Variants in CLMN observed in about 807,000 individuals in gnomAD.
CLMN encodes calmin (calponin-like, transmembrane).
In CLMN, 57 loss-of-function variants were observed where a neutral mutation model predicts 92.7. The ratio of observed to expected loss-of-function variants is 0.61; its 90% CI spans 0.50 to 0.77. The LOEUF (loss-of-function observed/expected upper bound fraction) is 0.77. Among genes scored for constraint, CLMN ranks in the 30% least tolerant of loss-of-function variants. The pLI, the probability that CLMN is intolerant of heterozygous loss-of-function variation, is 0.00. For missense variants in CLMN, 1,158 were observed against 1,237.5 expected, an observed-to-expected ratio of 0.94 and a Z score of 0.96; for synonymous variants, 466 against 470.6, an observed-to-expected ratio of 0.99 and a Z score of 0.13.
intron 1 of CLMN, among the ~76,000 whole-genome samples, chr14:95,317,036 C>T (rs1314005993): frequency 1.3e-5 from 2 of 152,246 alleles, no homozygotes; most frequent in Admixed American, 6.5e-5. Context: ...TGGACTCCTC[C>T]TGCCTCCCAT....
At chr14:95,299,458 C>T (rs568170702) in intron 1 of CLMN, among the ~76,000 whole-genome samples, 1 of 152,320 alleles carries the variant, frequency 6.6e-6, no homozygotes, top group East Asian at 1.9e-4. Context: ...CCACTGTTTG[C>T]TAAGTGCCTA....
intron 1 of CLMN, among the ~76,000 whole-genome samples, chr14:95,290,166 G>A (rs1900507812): frequency 6.6e-6 from 1 of 152,252 alleles, no homozygotes; most frequent in Admixed American, 6.5e-5. Flanking sequence ...AGTGTGCAAA[G>A]CCACTCAGGT....
chr14:95,279,522 G>A (rs185645497), intron 1 of CLMN, among the ~76,000 whole-genome samples: 20 of 152,334 alleles, frequency 1.3e-4, no homozygotes, highest in Non-Finnish European at 2.8e-4. Context: ...GGTGGCTCAC[G>A]CCTGTAATCC....
rs114921548 is a variant in CLMN at position 95,250,166 on chromosome 14, C to T, written c.83-20033G>A. Reference sequence around the variant, plus strand: ...GGGCCCCAGAACTGGGCCAGGCTGTCTCTCTCTGGGCTTATTTGTATATGA... The same window carrying T: ...GGGCCCCAGAACTGGGCCAGGCTGTTTCTCTCTGGGCTTATTTGTATATGA... On this transcript the variant is annotated intron_variant, in intron 1 of 12. Coordinates refer to ENST00000298912, the MANE Select transcript of CLMN (RefSeq NM_024734.4). Among the ~76,000 whole-genome samples, 1,163 of 152,324 alleles carry T rather than the reference C, an allele frequency of 7.6e-3. 22 individuals carry two copies. The highest frequency in any genetic ancestry group is 0.027 in the African/African-American group (1,106 of 41,562).
intron 2 of CLMN, among the ~76,000 whole-genome samples, chr14:95,226,732 C>T (rs971262776): frequency 4.6e-5 from 7 of 152,070 alleles, no homozygotes; most frequent in African/African-American, 1.4e-4. Context: ...CGTGCCATCA[C>T]GTCTGGTTAA....
intron 9 of CLMN, among the ~76,000 whole-genome samples, chr14:95,200,349 C>A (rs886245263): frequency 6.6e-6 from 1 of 152,180 alleles, no homozygotes; most frequent in African/African-American, 2.4e-5. Context: ...ACACCGAAGG[C>A]AGGATTTTCC....
At chr14:95,222,744 G>C (rs1205894864) in intron 3 of CLMN, 1 of 356,558 alleles carries the variant, frequency 2.8e-6, no homozygotes. Flanking sequence ...TGAATACTGC[G>C]TAGCCCTCTG....
At chr14:95,253,613 T>TG (rs201017134) in intron 1 of CLMN, among the ~76,000 whole-genome samples, 11,854 of 143,622 alleles carry the variant, frequency 0.083, 464 homozygotes, top group South Asian at 0.091. Context: ...TTTTTTGTTT[T>TG]TTTGTTTTTT....
chr14:95,276,885 G>A (rs1326982710), intron 1 of CLMN, among the ~76,000 whole-genome samples: 1 of 152,140 alleles, frequency 6.6e-6, no homozygotes, highest in Non-Finnish European at 1.5e-5. Context: ...GCAACCCCTG[G>A]TGTGGCATCT....
chr14:95,315,862 T>C (rs1260993645), intron 1 of CLMN, among the ~76,000 whole-genome samples: 1 of 152,210 alleles, frequency 6.6e-6, no homozygotes, highest in Non-Finnish European at 1.5e-5. Context: ...AGAACCAGCT[T>C]TCATTCTCCA....
chr14:95,194,017 A>G lies in CLMN; in HGVS notation c.2770-98T>C. On this transcript the variant is annotated intron_variant, in intron 11 of 12. Coordinates refer to ENST00000298912, the MANE Select transcript of CLMN (RefSeq NM_024734.4). The surrounding 1 kb of genome is among the most constrained non-coding windows in gnomAD (Gnocchi z 4.0). ...AAACGATTTTAAACACACAAAGCCG[A>G]GCATGCCGGGCATTTCTCAATACCG... is the stretch of plus-strand genomic sequence containing the variant. 6.5e-7 allele frequency: 1 copy of G among 1,542,504 alleles called. No individual in the cohort carries two copies. Among genetic ancestry groups the G allele is most frequent in the Non-Finnish European group, 8.7e-7 (1 of 1,147,108 alleles).
At chr14:95,242,250 CTTTTTTTTTTTTTT>C (rs371417505) in intron 1 of CLMN, among the ~76,000 whole-genome samples, 1,120 of 92,614 alleles carry the variant, frequency 0.012, 33 homozygotes, top group African/African-American at 0.037. Context: ...TTTTCTTTTT[CTTTTTTTTTTTTTT>C]TTTTTTTTTT....
intron 1 of CLMN, among the ~76,000 whole-genome samples, chr14:95,242,935 A>G (rs1318706191): frequency 6.6e-6 from 1 of 152,238 alleles, no homozygotes; most frequent in Admixed American, 6.5e-5. Flanking sequence ...CCACTGCCCT[A>G]AGCTAGAGGT....
chr14:95,256,235 A>G lies in CLMN; in HGVS notation c.83-26102T>C, dbSNP rs1448137946. On this transcript the variant is annotated intron_variant, in intron 1 of 12. Coordinates refer to ENST00000298912, the MANE Select transcript of CLMN (RefSeq NM_024734.4). The surrounding 1 kb of genome is among the most constrained non-coding windows in gnomAD (Gnocchi z 4.9). ...CGAGGCCCGCCACCCACTCCTCGGC[A>G]CCCAGTTGGGAAGGACTTCACAGCA... Among the ~76,000 whole-genome samples, 1 of 152,154 alleles carries G rather than the reference A, an allele frequency of 6.6e-6. No homozygotes were observed. The highest frequency in any genetic ancestry group is 1.9e-4 in the East Asian group (1 of 5,194).
At chr14:95,267,841 C>T (rs1337791439) in intron 1 of CLMN, among the ~76,000 whole-genome samples, 1 of 152,082 alleles carries the variant, frequency 6.6e-6, no homozygotes, top group Non-Finnish European at 1.5e-5. Context: ...ATTATTCGGC[C>T]ATAAAAAAGA....
At chr14:95,278,254 TAG>T (rs1031941436) in intron 1 of CLMN, among the ~76,000 whole-genome samples, 2 of 152,246 alleles carry the variant, frequency 1.3e-5, no homozygotes, top group African/African-American at 4.8e-5. Context: ...TTGTCCTGGC[TAG>T]AGTTTGGGAA....
At chr14:95,238,072 G>A (rs1898115702) in intron 1 of CLMN, among the ~76,000 whole-genome samples, 1 of 152,160 alleles carries the variant, frequency 6.6e-6, no homozygotes, top group African/African-American at 2.4e-5. Context: ...GGCAAGCCCT[G>A]CCCCACTGAC....
chr14:95,260,313 G>A (rs149081125), intron 1 of CLMN, among the ~76,000 whole-genome samples: 1 of 152,086 alleles, frequency 6.6e-6, no homozygotes, highest in Non-Finnish European at 1.5e-5. Context: ...GAGGTGGCGG[G>A]CGCCTGTAGT....
intron 7 of CLMN, among the ~76,000 whole-genome samples, chr14:95,209,817 G>A (rs1256074654): frequency 6.6e-6 from 1 of 152,128 alleles, no homozygotes. Flanking sequence ...TATGGTATAC[G>A]GAGTCCTACG....
Sources: allele counts gnomAD v4.1 joint callset (sites outside exome capture counted in the v4.1 genomes callset), GRCh38; gene constraint gnomAD v4.1.1; non-coding constraint Gnocchi (gnomAD v3.1); transcripts MANE v1.5; gene names NCBI Gene and HGNC (gene_info 2026-07-23, HGNC 2026-07-21).